The following XKR6 variants were observed in gnomAD, a reference collection of about 807,000 sequenced individuals.
XKR6 encodes XK related 6.
XKR6 carries 22 observed loss-of-function variants against 56.7 expected under a neutral mutation model. That is an observed-to-expected ratio of 0.39 (90% CI 0.28 to 0.55). XKR6 has a LOEUF of 0.55. Among genes scored for constraint, XKR6 ranks in the 20% least tolerant of loss-of-function variants. XKR6 has a pLI of 0.66. For missense variants in XKR6, 852 were observed against 889.0 expected, an observed-to-expected ratio of 0.96 and a Z score of 0.53; for synonymous variants, 524 against 387.8, an observed-to-expected ratio of 1.35 and a Z score of -4.13.
chr8:11,140,674 G>T (rs1406888303), intron 1 of XKR6, among the ~76,000 whole-genome samples: 1 of 151,866 alleles, frequency 6.6e-6, no homozygotes, highest in Non-Finnish European at 1.5e-5. Flanking sequence ...GAGGTGGGTG[G>T]GTCACGAGGT....
At chr8:10,969,123 A>C (rs1802320536) in intron 1 of XKR6, among the ~76,000 whole-genome samples, 1 of 152,200 alleles carries the variant, frequency 6.6e-6, no homozygotes, top group Admixed American at 6.5e-5. Flanking sequence ...CCGCCCCTAG[A>C]AATTCTTATT....
chr8:11,100,325 G>A (rs1053629819), intron 1 of XKR6, among the ~76,000 whole-genome samples: 4 of 152,164 alleles, frequency 2.6e-5, no homozygotes, highest in African/African-American at 7.2e-5. Context: ...AAAGTGCTGG[G>A]ATTACAAGTG....
intron 1 of XKR6, chr8:11,062,844 T>A (rs766198433): frequency 2.2e-6 from 1 of 456,144 alleles, no homozygotes; most frequent in Non-Finnish European, 4.4e-6. Flanking sequence ...TGCGCCTGAG[T>A]TCTAGCCAAT....
At chr8:11,170,851 T>C (rs1309245063) in intron 1 of XKR6, among the ~76,000 whole-genome samples, 2 of 152,194 alleles carry the variant, frequency 1.3e-5, no homozygotes, top group Non-Finnish European at 1.5e-5. Flanking sequence ...TTTTAAGTCT[T>C]TGTAATGTTG....
chr8:11,187,284 A>T (rs1256015487), intron 1 of XKR6, among the ~76,000 whole-genome samples: 1 of 152,228 alleles, frequency 6.6e-6, no homozygotes, highest in Admixed American at 6.5e-5. Flanking sequence ...ATTGTAGACA[A>T]GGGCCAACAA....
chr8:10,951,453 C>T (rs992085341), intron 1 of XKR6, among the ~76,000 whole-genome samples: 1 of 152,162 alleles, frequency 6.6e-6, no homozygotes, highest in Non-Finnish European at 1.5e-5. Context: ...TGAGTGAAGA[C>T]AGAATCACCG....
chr8:10,948,529 G>A (rs1229716614), intron 1 of XKR6, among the ~76,000 whole-genome samples: 1 of 152,202 alleles, frequency 6.6e-6, no homozygotes, highest in Non-Finnish European at 1.5e-5. Context: ...CCTGGAAGCT[G>A]ACTCTGCAGA....
At chr8:11,168,312 A>C (rs954821853) in intron 1 of XKR6, among the ~76,000 whole-genome samples, 3 of 152,234 alleles carry the variant, frequency 2.0e-5, no homozygotes, top group African/African-American at 7.2e-5. Context: ...GTTGAGAAGG[A>C]TACTATATTT....
intron 1 of XKR6, among the ~76,000 whole-genome samples, chr8:11,129,591 C>G (rs1483327638): frequency 3.3e-5 from 5 of 152,102 alleles, no homozygotes; most frequent in Non-Finnish European, 7.4e-5. Flanking sequence ...TCACAGAATA[C>G]CATGCGCTGT....
intron 1 of XKR6, among the ~76,000 whole-genome samples, chr8:10,963,321 AC>A (rs1802120978): frequency 6.6e-6 from 1 of 152,038 alleles, no homozygotes; most frequent in African/African-American, 2.4e-5. Context: ...TTTCTCGACC[AC>A]CCTGTTTAAA....
chr8:11,183,191 C>G (rs1052439261), intron 1 of XKR6, among the ~76,000 whole-genome samples: 39 of 152,148 alleles, frequency 2.6e-4, no homozygotes, highest in African/African-American at 8.0e-4. Context: ...CAAATATCTC[C>G]TTGAGACCCT....
intron 1 of XKR6, among the ~76,000 whole-genome samples, chr8:11,065,447 T>C (rs1799950750): frequency 6.6e-6 from 1 of 152,246 alleles, no homozygotes; most frequent in Non-Finnish European, 1.5e-5. Context: ...AGGACATTAC[T>C]TTATCCTTGG....
intron 1 of XKR6, among the ~76,000 whole-genome samples, chr8:11,016,000 C>A (rs1216306994): frequency 6.7e-6 from 1 of 150,264 alleles, no homozygotes; most frequent in Non-Finnish European, 1.5e-5. Flanking sequence ...CGATCCGGCT[C>A]GGTTTGGTCA....
intron 1 of XKR6, among the ~76,000 whole-genome samples, chr8:11,178,676 A>AATATATATATATAT (rs375693953): frequency 3.8e-5 from 5 of 132,930 alleles, no homozygotes; most frequent in African/African-American, 1.8e-4. Flanking sequence ...CACAGAGATA[A>AATATATATATATAT]ATATATATAT....
chr8:11,176,655 C>A (rs373948104), intron 1 of XKR6, among the ~76,000 whole-genome samples: 1 of 152,104 alleles, frequency 6.6e-6, no homozygotes, highest in African/African-American at 2.4e-5. Context: ...CAGATGAAGT[C>A]GGCCCCAGCC....
chr8:11,200,429 T>C lies in XKR6; in HGVS notation c.764+147A>G, dbSNP rs1804145116. ...CAGGGATCCAGATCAAACGCCGGTC[T>C]TTTGGAGACGCCAGGGGCGGCGCGC... On this transcript the variant is annotated intron_variant, in intron 1 of 2. Transcript: ENST00000416569. The surrounding 1 kb of genome is among the most constrained non-coding windows in gnomAD (Gnocchi z 6.4). The C allele has an allele frequency of 7.1e-6, 8 of 1,123,704 alleles. 1 individual carries two copies. The South Asian group carries it at 1.5e-4, about 21-fold the overall frequency. The allele number at this position is 1,123,704 out of a possible 1,614,324, so 69.6% of individuals were successfully genotyped here.
chr8:11,126,472 G>C (rs80286054), intron 1 of XKR6, among the ~76,000 whole-genome samples: 1 of 151,432 alleles, frequency 6.6e-6, no homozygotes, highest in East Asian at 1.9e-4. Flanking sequence ...TTTTTTTTAA[G>C]TTCTAAAAGC....
chr8:10,917,404 C>T (rs994512302), intron 2 of XKR6, among the ~76,000 whole-genome samples: 5 of 152,198 alleles, frequency 3.3e-5, no homozygotes, highest in African/African-American at 7.2e-5. Context: ...GGAGTGGGAC[C>T]GTGCGACTTT....
chr8:11,129,846 T>A (rs1563159143), intron 1 of XKR6, among the ~76,000 whole-genome samples: 1 of 151,772 alleles, frequency 6.6e-6, no homozygotes, highest in South Asian at 2.1e-4. Flanking sequence ...AAGTTCACAA[T>A]AAATGTGTGA....
Sources: allele counts gnomAD v4.1 joint callset (sites outside exome capture counted in the v4.1 genomes callset), GRCh38; gene constraint gnomAD v4.1.1; non-coding constraint Gnocchi (gnomAD v3.1); transcripts MANE v1.5; gene names NCBI Gene and HGNC (gene_info 2026-07-23, HGNC 2026-07-21).